Variants in CCDC102B observed in about 807,000 individuals in gnomAD.
CCDC102B encodes the protein coiled-coil domain-containing protein 102B.
Under a neutral mutation model 57.4 loss-of-function variants are expected in CCDC102B, and 75 were observed. The ratio of observed to expected loss-of-function variants is 1.31; its 90% CI spans 1.08 to 1.58. CCDC102B has a LOEUF of 1.58. CCDC102B is among the 40% of genes most tolerant of loss of function. CCDC102B has a pLI of 0.00. For missense variants in CCDC102B, 636 were observed against 582.6 expected, an observed-to-expected ratio of 1.09 and a Z score of -0.94; for synonymous variants, 206 against 201.9, an observed-to-expected ratio of 1.02 and a Z score of -0.17.
At chr18:69,003,109 T>C (rs1483129377) in intron 6 of CCDC102B, among the ~76,000 whole-genome samples, 2 of 152,182 alleles carry the variant, frequency 1.3e-5, no homozygotes, top group African/African-American at 4.8e-5. Flanking sequence ...ATATTTTTTT[T>C]CCCACAAAGA....
At chr18:68,730,860 G>A (rs2032827858) in intron 2 of CCDC102B, among the ~76,000 whole-genome samples, 1 of 152,160 alleles carries the variant, frequency 6.6e-6, no homozygotes, top group African/African-American at 2.4e-5. Context: ...GGTATCAACA[G>A]TATCAAAAGG....
At chr18:68,990,337 T>C (rs2050831970) in intron 6 of CCDC102B, among the ~76,000 whole-genome samples, 1 of 152,154 alleles carries the variant, frequency 6.6e-6, no homozygotes, top group African/African-American at 2.4e-5. Context: ...TTATTCATCT[T>C]GGAGATGGGA....
chr18:69,018,771 G>A (rs1873923535), intron 7 of CCDC102B, among the ~76,000 whole-genome samples: 1 of 151,828 alleles, frequency 6.6e-6, no homozygotes, highest in African/African-American at 2.4e-5. Flanking sequence ...GTTTTATGCA[G>A]TTCTAATTCG....
At chr18:69,048,320 T>C (rs148842828) in intron 7 of CCDC102B, among the ~76,000 whole-genome samples, 146 of 152,032 alleles carry the variant, frequency 9.6e-4, no homozygotes, top group African/African-American at 3.1e-3. Flanking sequence ...TATTAGCCTA[T>C]TACATTATTG....
intron 6 of CCDC102B, among the ~76,000 whole-genome samples, chr18:68,979,035 C>T (rs1303536078): frequency 6.6e-6 from 1 of 151,926 alleles, no homozygotes; most frequent in Admixed American, 6.6e-5. Flanking sequence ...CTTGGAATGA[C>T]AAGAGTCAGA....
intron 4 of CCDC102B, among the ~76,000 whole-genome samples, chr18:68,855,293 G>A (rs2038331103): frequency 6.6e-6 from 1 of 151,986 alleles, no homozygotes; most frequent in African/African-American, 2.4e-5. Context: ...CCTAAGATAG[G>A]GGTGTCAATA....
chr18:68,908,999 A>G (rs1744184588), intron 6 of CCDC102B, among the ~76,000 whole-genome samples: 1 of 152,048 alleles, frequency 6.6e-6, no homozygotes. Flanking sequence ...TTGGTAATTT[A>G]ACTTTCTTAA....
chr18:68,833,612 A>G (rs1180702210), intron 1 of CCDC102B, among the ~76,000 whole-genome samples: 1 of 152,094 alleles, frequency 6.6e-6, no homozygotes, highest in African/African-American at 2.4e-5. Flanking sequence ...GTCTCCTTTT[A>G]TACTAAGGAT....
intron 6 of CCDC102B, among the ~76,000 whole-genome samples, chr18:68,950,607 C>T (rs765297441): frequency 2.3e-4 from 35 of 152,090 alleles, no homozygotes; most frequent in Non-Finnish European, 3.8e-4. Context: ...TTCTCACCGT[C>T]GATTCTCAAT....
At chr18:69,008,092 T>G (rs1352453316) in intron 6 of CCDC102B, among the ~76,000 whole-genome samples, 7 of 152,224 alleles carry the variant, frequency 4.6e-5, no homozygotes, top group Non-Finnish European at 8.8e-5. Flanking sequence ...AACTTTCCCA[T>G]TAAGCTCTGA....
intron 6 of CCDC102B, among the ~76,000 whole-genome samples, chr18:68,899,173 T>G (rs1470229289): frequency 6.6e-6 from 1 of 152,026 alleles, no homozygotes; most frequent in Non-Finnish European, 1.5e-5. Flanking sequence ...CTGCTGGAAC[T>G]AAAATAATCA....
At chr18:68,838,347 AGT>A (rs1383055197) in intron 2 of CCDC102B, 1 of 862,556 alleles carries the variant, frequency 1.2e-6, no homozygotes, top group Admixed American at 6.3e-5. Flanking sequence ...TGAAACTGTA[AGT>A]GTCTTATGAC....
chr18:68,944,712 A>G lies in CCDC102B; in HGVS notation c.1263+47284A>G, dbSNP rs376819228. Among the ~76,000 whole-genome samples, 5 of 152,076 alleles carry G rather than the reference A, an allele frequency of 3.3e-5. No homozygotes were observed. The East Asian group carries it at 5.8e-4, about 18-fold the overall frequency. ...TAGCAAATAATAATAATAATAATAAACATGAGATCAGTATTCACACATTAC... is the reference window on the plus strand; with the variant it reads ...TAGCAAATAATAATAATAATAATAAGCATGAGATCAGTATTCACACATTAC... On this transcript the variant is annotated intron_variant, in intron 6 of 7. Transcript: ENST00000360242.
intron 2 of CCDC102B, among the ~76,000 whole-genome samples, chr18:68,738,411 C>A (rs975976831): frequency 2.0e-5 from 3 of 152,112 alleles, no homozygotes; most frequent in African/African-American, 7.2e-5. Context: ...GGGTCTATCC[C>A]ATCCAAGATT....
chr18:69,055,320 A>G, downstream of CCDC102B: 1 of 204,250 alleles, frequency 4.9e-6, no homozygotes, highest in Non-Finnish European at 8.7e-6. Flanking sequence ...TCAAGTGCGC[A>G]CTGGTGTGTG....
intron 5 of CCDC102B, among the ~76,000 whole-genome samples, chr18:68,893,850 A>G (rs1337853254): frequency 1.3e-5 from 2 of 152,136 alleles, no homozygotes; most frequent in African/African-American, 4.8e-5. Context: ...CTTATTTTTC[A>G]GAACCAGTCC....
intron 2 of CCDC102B, among the ~76,000 whole-genome samples, chr18:68,771,313 A>G (rs1307483027): frequency 1.3e-5 from 2 of 152,156 alleles, no homozygotes; most frequent in East Asian, 3.9e-4. Flanking sequence ...CAGGATGAGA[A>G]AATGTAGACT....
At chr18:68,868,184 A>G (rs1366110927) in intron 4 of CCDC102B, among the ~76,000 whole-genome samples, 1 of 152,186 alleles carries the variant, frequency 6.6e-6, no homozygotes, top group Admixed American at 6.5e-5. Flanking sequence ...AAAATTCACT[A>G]AAAATTTTAT....
chr18:68,913,648 C>T (rs1284420147), intron 6 of CCDC102B, among the ~76,000 whole-genome samples: 3 of 108,484 alleles, frequency 2.8e-5, no homozygotes, highest in African/African-American at 1.1e-4. Context: ...GAGTGACACT[C>T]GGTCTCAAAA....
Sources: gnomAD v4.1 joint callset for allele counts (sites outside exome capture counted in the v4.1 genomes callset) on GRCh38, gnomAD v4.1.1 for gene constraint, MANE v1.5 for transcripts, NCBI Gene and HGNC (gene_info 2026-07-23, HGNC 2026-07-21) for gene names.